Variants in ATP9A observed in about 807,000 individuals in gnomAD.
The protein encoded by ATP9A is probable phospholipid-transporting ATPase IIA.
ATP9A carries 52 observed loss-of-function variants against 144.1 expected under a neutral mutation model. That is an observed-to-expected ratio of 0.36 (90% CI 0.29 to 0.45). The LOEUF (loss-of-function observed/expected upper bound fraction) is 0.45, where lower values mean the gene tolerates loss of function less well. ATP9A is among the 20% of genes least tolerant of loss of function. The probability of loss-of-function intolerance (pLI) is 1.00; values close to 1 mark genes in which losing one functional copy is unlikely to be tolerated. For synonymous variants in ATP9A, 582 were observed against 557.4 expected (o/e 1.04, Z -0.62); for missense variants, 947 against 1,392.7 (o/e 0.68, Z 5.09).
chr20:51,626,074 AC>A, intron 17 of ATP9A, among the ~76,000 whole-genome samples: 1 of 152,356 alleles, frequency 6.6e-6, no homozygotes, highest in Non-Finnish European at 1.5e-5. Context: ...TAGGCCAGGC[AC>A]CAGAGACACG....
chr20:51,651,539 C>T (rs1290533963), intron 14 of ATP9A, among the ~76,000 whole-genome samples: 3 of 151,410 alleles, frequency 2.0e-5, no homozygotes, highest in East Asian at 1.9e-4. Flanking sequence ...TAGTAGTTAT[C>T]GCCAGGTGGC....
intron 1 of ATP9A, among the ~76,000 whole-genome samples, chr20:51,740,683 C>T (rs1475422694): frequency 6.7e-6 from 1 of 149,804 alleles, no homozygotes; most frequent in Non-Finnish European, 1.5e-5. Context: ...ATCCTCTTGC[C>T]TCAGCCTCCC....
chr20:51,620,109 CT>C (rs1212315607), intron 19 of ATP9A, among the ~76,000 whole-genome samples: 1 of 152,182 alleles, frequency 6.6e-6, no homozygotes, highest in East Asian at 1.9e-4. Flanking sequence ...GACTGGGCCA[CT>C]TTTCTGTAAA....
chr20:51,676,540 G>A (rs766608194), intron 9 of ATP9A, among the ~76,000 whole-genome samples: 6 of 152,144 alleles, frequency 3.9e-5, no homozygotes, highest in Admixed American at 6.5e-5. Flanking sequence ...ATGCAATGGC[G>A]TGATCTCCGC....
At chr20:51,712,073 T>C (rs1235880396) in intron 4 of ATP9A, among the ~76,000 whole-genome samples, 2 of 131,180 alleles carry the variant, frequency 1.5e-5, no homozygotes, top group Non-Finnish European at 3.2e-5. Context: ...GCCAGGCTGG[T>C]CTTTTTTTTT....
chr20:51,727,954 C>T (rs2077722763), intron 2 of ATP9A, among the ~76,000 whole-genome samples: 2 of 150,678 alleles, frequency 1.3e-5, no homozygotes, highest in South Asian at 4.2e-4. Flanking sequence ...AAGCTATGTC[C>T]ACAACATGAC....
At position 51,604,922 on chromosome 20, in the gene ATP9A, T is replaced by C; in HGVS notation, c.2902A>G (p.Met968Val). Residue 968 changes from methionine (M) to valine (V), a missense_variant, in exon 27 of 28, where the codon ATG (methionine) becomes GTG (valine). By Grantham distance (21) the Met-to-Val change is conservative. Around this residue, in one of 2 missense-constraint regions of ATP9A, gnomAD observed 177 missense variants for 344.9 expected, o/e 0.51. Transcript: ENST00000338821. ...CAGGTCTGGATGGTCAGCGCCACCA[T>C]GAGCAGCTCGGTGAGGATCAGCGAG... Reference protein sequence around the residue: ...FTSLILTELLMVALTIQTWHW... With the variant: ...FTSLILTELLVVALTIQTWHW... 1.9e-6 allele frequency: 3 copies of C among 1,612,972 alleles called. No homozygotes were observed. Among genetic ancestry groups the C allele is most frequent in the Non-Finnish European group, 1.7e-6 (2 of 1,179,502 alleles).
intron 8 of ATP9A, among the ~76,000 whole-genome samples, chr20:51,690,415 A>T (rs544016646): frequency 2.0e-5 from 3 of 152,128 alleles, no homozygotes; most frequent in Non-Finnish European, 4.4e-5. Flanking sequence ...GCAAGACTCC[A>T]TCTCAAAAAA....
chr20:51,608,218 CA>C (rs2077171301), intron 25 of ATP9A, among the ~76,000 whole-genome samples: 1 of 152,158 alleles, frequency 6.6e-6, no homozygotes, highest in Non-Finnish European at 1.5e-5. Flanking sequence ...CGTTAAGTTG[CA>C]ACTGCAAAGC....
chr20:51,673,514 A>G (rs1428273811), intron 11 of ATP9A, among the ~76,000 whole-genome samples: 1 of 152,196 alleles, frequency 6.6e-6, no homozygotes, highest in Non-Finnish European at 1.5e-5. Context: ...CTTTGAGCCC[A>G]GATGCAGGCT....
intron 14 of ATP9A, among the ~76,000 whole-genome samples, chr20:51,653,242 A>G (rs1454001118): frequency 6.6e-6 from 1 of 152,088 alleles, no homozygotes; most frequent in Admixed American, 6.5e-5. Context: ...TCTGATTTCA[A>G]GTGCAATTCA....
intron 13 of ATP9A, among the ~76,000 whole-genome samples, chr20:51,665,973 T>A (rs1021578478): frequency 6.6e-6 from 1 of 152,126 alleles, no homozygotes; most frequent in African/African-American, 2.4e-5. Flanking sequence ...GCGGCCTACA[T>A]TTCAACACTG....
chr20:51,667,427 T>G (rs1473989295), intron 13 of ATP9A, among the ~76,000 whole-genome samples: 1 of 152,228 alleles, frequency 6.6e-6, no homozygotes, highest in African/African-American at 2.4e-5. Context: ...AGCTGGGTGC[T>G]GATATGCATG....
At chr20:51,663,777 GA>G (rs2077421113) in intron 13 of ATP9A, among the ~76,000 whole-genome samples, 1 of 144,386 alleles carries the variant, frequency 6.9e-6, no homozygotes, top group Non-Finnish European at 1.5e-5. Context: ...CTGGGAAACA[GA>G]GCGAGACTCC....
At chr20:51,647,019 TGAGGCAGC>T (rs1404145149) in intron 14 of ATP9A, among the ~76,000 whole-genome samples, 1 of 152,062 alleles carries the variant, frequency 6.6e-6, no homozygotes, top group Non-Finnish European at 1.5e-5. Flanking sequence ...CTCGGGAGGC[TGAGGCAGC>T]GGAATTGCTT....
chr20:51,639,911 C>A (rs549820573), intron 14 of ATP9A, among the ~76,000 whole-genome samples: 1 of 152,176 alleles, frequency 6.6e-6, no homozygotes, highest in Non-Finnish European at 1.5e-5. Context: ...TATGGTGAAA[C>A]CCCGTCTTTA....
At chr20:51,627,459 G>T in intron 17 of ATP9A, 141 bp downstream of exon 17, 1 of 764,866 alleles carries the variant, frequency 1.3e-6, no homozygotes, top group Non-Finnish European at 2.3e-6. Flanking sequence ...AACGGCAAGT[G>T]CAAAGGCCTT....
intron 4 of ATP9A, among the ~76,000 whole-genome samples, chr20:51,701,624 C>A (rs1463951050): frequency 6.6e-6 from 1 of 152,190 alleles, no homozygotes; most frequent in Non-Finnish European, 1.5e-5. Context: ...CTGTACCCAA[C>A]TGTCCATCAG....
Position 51,674,198 on chromosome 20 carries a change from T to G in ATP9A, c.992A>C (p.Gln331Pro). Residue 331 changes from glutamine (Q) to proline (P), a missense_variant, in exon 11 of 28, where the codon CAG becomes CCG. Coordinates refer to ENST00000338821, the MANE Select transcript of ATP9A (RefSeq NM_006045.3). ...AAACAAGAGGAGGAAGCGGATGATCTGCAGGTACCAACGGCCTGCAAAGTG... is the reference window on the plus strand; with the variant it reads ...AAACAAGAGGAGGAAGCGGATGATCGGCAGGTACCAACGGCCTGCAAAGTG... ...LQHFAGRWYL[Q>P]IIRFLLLFSN... is the part of the protein sequence containing the mutation. 2 of 1,614,074 alleles carry G rather than the reference T, an allele frequency of 1.2e-6. No individual in the cohort carries two copies. Among genetic ancestry groups the G allele is most frequent in the Non-Finnish European group, 1.7e-6 (2 of 1,180,020 alleles).
Sources: allele counts gnomAD v4.1 joint callset (sites outside exome capture counted in the v4.1 genomes callset), GRCh38; gene constraint gnomAD v4.1.1; regional missense constraint gnomAD v4.1.1; transcripts MANE v1.5; gene names NCBI Gene and HGNC (gene_info 2026-07-23, HGNC 2026-07-21).